Variants in ADAMTS12 observed in about 807,000 individuals in gnomAD.
The protein encoded by ADAMTS12 is A disintegrin and metalloproteinase with thrombospondin motifs 12.
In ADAMTS12, 118 loss-of-function variants were observed where a neutral mutation model predicts 167.8. That is an observed-to-expected ratio of 0.70 (90% CI 0.61 to 0.82). ADAMTS12 has a LOEUF of 0.82. Ranked by LOEUF, ADAMTS12 falls within the 40% of genes least tolerant of loss-of-function variation. The pLI is 0.00. For missense variants in ADAMTS12, 1,916 were observed against 1,998.8 expected (o/e 0.96, Z 0.79); for synonymous variants, 704 against 716.9 (o/e 0.98, Z 0.29).
At position 33,525,088 on chromosome 5, in the gene ADAMTS12, C is replaced by G. The variant is rs144377792; in HGVS notation, c.*2100G>C. ...TAGTACAGTACCAGGTTAAATCAAT[C>G]TAGCTTACTAAATGAATCCCCCTGA... On this transcript the variant is annotated 3_prime_UTR_variant, in exon 24 of 24. Coordinates refer to ENST00000504830, the MANE Select transcript of ADAMTS12 (RefSeq NM_030955.4). 4.6e-5 allele frequency: 7 copies of G among 152,274 alleles called. No individual in the cohort carries two copies. The East Asian group carries it at 1.2e-3, about 25-fold the overall frequency. 9.4% of individuals were successfully genotyped at this position (152,274 alleles called of 1,614,324 possible).
intron 19 of ADAMTS12, among the ~76,000 whole-genome samples, chr5:33,561,412 A>G (rs1209132908): frequency 6.6e-6 from 1 of 152,260 alleles, no homozygotes; most frequent in Non-Finnish European, 1.5e-5. Flanking sequence ...ATTTTAAAAA[A>G]TAGTCACGGT....
intron 2 of ADAMTS12, among the ~76,000 whole-genome samples, chr5:33,876,023 G>A (rs1388115224): frequency 2.6e-5 from 4 of 151,998 alleles, no homozygotes; most frequent in Non-Finnish European, 5.9e-5. Context: ...CTAGCAATAA[G>A]CACATGAATA....
At chr5:33,815,369 T>G (rs1747611516) in intron 2 of ADAMTS12, among the ~76,000 whole-genome samples, 1 of 152,170 alleles carries the variant, frequency 6.6e-6, no homozygotes, top group Admixed American at 6.6e-5. Context: ...ACCCTTATGC[T>G]GAATTAGTGC....
chr5:33,568,574 T>C (rs1352506114), intron 19 of ADAMTS12, among the ~76,000 whole-genome samples: 5 of 152,232 alleles, frequency 3.3e-5, no homozygotes, highest in Non-Finnish European at 7.3e-5. Context: ...AATCTCTTTT[T>C]CTATTTGTAA....
In ADAMTS12 at chr5:33,658,319, G is replaced by A. The variant is rs1013965302; in HGVS notation, c.1055C>T (p.Ala352Val). The A allele has an allele frequency of 6.2e-7, 1 of 1,613,452 alleles. No individual in the cohort carries two copies. The highest frequency in any genetic ancestry group is 1.3e-5 in the African/African-American group (1 of 74,894). Residue 352 changes from alanine to valine, a missense_variant, in exon 7 of 24, where the codon GCT becomes GTT. Coordinates refer to ENST00000504830, the MANE Select transcript of ADAMTS12 (RefSeq NM_030955.4). ...GGTCTCGCAGGGGCGATTGAAACCA[G>A]CACAGATGTCCTTTCTGAAAGCAGA... The part of the protein sequence containing the change: ...AVLLTRKDIC[A>V]GFNRPCETLG...
intron 2 of ADAMTS12, among the ~76,000 whole-genome samples, chr5:33,785,932 G>C (rs1579934223): frequency 6.6e-6 from 1 of 152,158 alleles, no homozygotes; most frequent in Non-Finnish European, 1.5e-5. Flanking sequence ...CTCAGCTCAT[G>C]AATGGATAAA....
chr5:33,641,099 G>T (rs1026681970), intron 11 of ADAMTS12, among the ~76,000 whole-genome samples: 2 of 151,822 alleles, frequency 1.3e-5, no homozygotes, highest in African/African-American at 4.8e-5. Context: ...GAAATTACTT[G>T]GGAGACAGTA....
intron 3 of ADAMTS12, among the ~76,000 whole-genome samples, chr5:33,725,990 AC>A (rs956655933): frequency 3.0e-4 from 46 of 152,284 alleles, no homozygotes; most frequent in African/African-American, 1.0e-3. Context: ...CTACTGTAAA[AC>A]CAAGGAAACA....
chr5:33,715,202 T>TTCATTAAGGA, intron 3 of ADAMTS12, among the ~76,000 whole-genome samples: 1 of 152,196 alleles, frequency 6.6e-6, no homozygotes, highest in African/African-American at 2.4e-5. Context: ...TAAATTTCAT[T>TTCATTAAGGA]TCATTCAATA....
intron 3 of ADAMTS12, among the ~76,000 whole-genome samples, chr5:33,696,289 C>T (rs1056123710): frequency 2.0e-5 from 3 of 151,312 alleles, no homozygotes; most frequent in Admixed American, 6.6e-5. Flanking sequence ...GGCACGGTGG[C>T]GGGCGCCTGT....
intron 19 of ADAMTS12, among the ~76,000 whole-genome samples, chr5:33,566,494 C>T (rs1403320406): frequency 6.6e-6 from 1 of 152,030 alleles, no homozygotes; most frequent in African/African-American, 2.4e-5. Context: ...TGACGGACTC[C>T]TTCTCTTCTC....
At chr5:33,610,180 TCAAA>T (rs1369154477) in intron 16 of ADAMTS12, among the ~76,000 whole-genome samples, 2 of 152,044 alleles carry the variant, frequency 1.3e-5, no homozygotes, top group Admixed American at 6.6e-5. Flanking sequence ...AAACTCTGTC[TCAAA>T]CAAACGAACA....
At chr5:33,583,331 T>A (rs1415463960) in intron 18 of ADAMTS12, among the ~76,000 whole-genome samples, 1 of 152,234 alleles carries the variant, frequency 6.6e-6, no homozygotes. Flanking sequence ...TCTCATTCAT[T>A]CCTATGGCTG....
At chr5:33,867,528 ATGC>A (rs1749868160) in intron 2 of ADAMTS12, among the ~76,000 whole-genome samples, 1 of 152,126 alleles carries the variant, frequency 6.6e-6, no homozygotes, top group South Asian at 2.1e-4. Flanking sequence ...TAGTTGGGTG[ATGC>A]GTGCACTAAA....
Position 33,642,102 on chromosome 5 carries a change from A to G in ADAMTS12, c.1573-147T>C. ...TCAGATGTAAAACAAACAGGGGCTCATATAAGTTTCTGCCAAGAGTCGTGG... is the reference window on the plus strand; with the variant it reads ...TCAGATGTAAAACAAACAGGGGCTCGTATAAGTTTCTGCCAAGAGTCGTGG... On this transcript the variant is annotated intron_variant, in intron 10 of 23. Coordinates refer to ENST00000504830, the MANE Select transcript of ADAMTS12 (RefSeq NM_030955.4). 5 of 790,068 alleles carry G rather than the reference A, an allele frequency of 6.3e-6. 1 individual carries two copies. Among genetic ancestry groups the G allele is most frequent in the Non-Finnish European group, 9.4e-6 (5 of 531,834 alleles). The allele number at this position is 790,068 out of a possible 1,614,324, so 48.9% of individuals were successfully genotyped here. A position where few individuals can be genotyped will look rare whatever the true frequency, so the allele number is the denominator to read the frequency against.
At chr5:33,592,789 A>G (rs1043578466) in intron 17 of ADAMTS12, among the ~76,000 whole-genome samples, 5 of 152,230 alleles carry the variant, frequency 3.3e-5, no homozygotes, top group African/African-American at 1.2e-4. Flanking sequence ...TCCATAAATA[A>G]ATAAGATTAA....
intron 23 of ADAMTS12, among the ~76,000 whole-genome samples, chr5:33,528,924 A>C (rs910155399): frequency 3.3e-5 from 5 of 152,202 alleles, no homozygotes; most frequent in African/African-American, 4.8e-5. Context: ...GGGCGCCTGT[A>C]ATCCCAGCTA....
At chr5:33,790,293 G>A (rs1746477956) in intron 2 of ADAMTS12, among the ~76,000 whole-genome samples, 1 of 151,994 alleles carries the variant, frequency 6.6e-6, no homozygotes. Context: ...GGTGGCTCAC[G>A]CCTGTAATCC....
In ADAMTS12 at chr5:33,568,054, T is replaced by A. The variant is rs1159731629; in HGVS notation, c.3973-6875A>T. 2.0e-5 allele frequency among the ~76,000 whole-genome samples: 3 copies of A among 152,148 alleles called. No homozygotes were observed. In the East Asian group the frequency reaches 5.8e-4, roughly 29 times the overall value. On this transcript the variant is annotated intron_variant, in intron 19 of 23. Coordinates refer to ENST00000504830, the MANE Select transcript of ADAMTS12 (RefSeq NM_030955.4). The stretch of plus-strand genomic sequence containing the variant: ...TCCTGACACTGTGGTAAAGATTAAA[T>A]GAGAGAATTTATGCTCATTAGCATA...
Sources: allele counts gnomAD v4.1 joint callset (sites outside exome capture counted in the v4.1 genomes callset), GRCh38; gene constraint gnomAD v4.1.1; transcripts MANE v1.5; gene names NCBI Gene and HGNC (gene_info 2026-07-23, HGNC 2026-07-21).